The following NTAQ1 variants were observed in gnomAD, a reference collection of about 807,000 sequenced individuals.
NTAQ1 encodes protein N-terminal glutamine amidohydrolase.
Under a neutral mutation model 28.2 loss-of-function variants are expected in NTAQ1, and 21 were observed. The observed-to-expected ratio is 0.74, with a 90% CI of 0.53 to 1.07. NTAQ1 has a LOEUF of 1.07. Ranked by LOEUF, NTAQ1 falls within the 50% of genes least tolerant of loss-of-function variation. NTAQ1 has a pLI of 0.00. For missense variants in NTAQ1, 264 were observed against 256.6 expected (o/e 1.03, Z -0.20); for synonymous variants, 105 against 90.0 (o/e 1.17, Z -0.94).
chr8:123,438,104 G>T (rs1563893637), intron 5 of NTAQ1: 6 of 695,278 alleles, frequency 8.6e-6, no homozygotes, highest in African/African-American at 3.5e-5. Flanking sequence ...AGGTTTTATT[G>T]TACCACTTGT....
intron 4 of NTAQ1, 66 bp downstream of exon 4, chr8:123,436,667 CTT>C (rs10590897): frequency 0.38 from 517,512 of 1,349,032 alleles, 92,109 homozygotes; most frequent in East Asian, 0.59. Context: ...CACAGAGGTT[CTT>C]TTTTTTTTTG....
rs759314433 is a variant in NTAQ1, at chr8:123,437,283, A to G, written c.457A>G (p.Ser153Gly). 1 of 1,614,170 alleles carries G rather than the reference A, an allele frequency of 6.2e-7. No homozygotes were observed. The highest frequency in any genetic ancestry group is 8.5e-7 in the Non-Finnish European group (1 of 1,180,002). The change falls in exon 5 of 6, where the codon AGT becomes GGT. Residue 153 changes from serine (S) to glycine (G), a missense_variant. By Grantham distance (56) the Ser-to-Gly change is moderately conservative (BLOSUM62 0). Transcript: ENST00000287387. Reference sequence around the variant, plus strand: ...TGACCGATCTCACATGAAAGACTCCAGTGGGAATTGGAGAGAGCCTCCGCC... The same window carrying G: ...TGACCGATCTCACATGAAAGACTCCGGTGGGAATTGGAGAGAGCCTCCGCC... ...ASDRSHMKDS[S>G]GNWREPPPPY...
At chr8:123,449,929 A>ATGTATGTGTGTG (rs1554657624), downstream of NTAQ1, among the ~76,000 whole-genome samples, 251 of 66,648 alleles carry the variant, frequency 3.8e-3, 6 homozygotes, top group African/African-American at 0.013. Context: ...GTATATATAT[A>ATGTATGTGTGTG]TGTGTGTGTG....
At chr8:123,429,177 G>T (rs1028899397) in intron 2 of NTAQ1, among the ~76,000 whole-genome samples, 3 of 152,140 alleles carry the variant, frequency 2.0e-5, no homozygotes, top group Admixed American at 6.5e-5. Context: ...AAGACTTAGG[G>T]TGGCCCTATG....
At chr8:123,416,980 G>T in intron 1 of NTAQ1, 48 bp downstream of exon 1, 1 of 1,393,262 alleles carries the variant, frequency 7.2e-7, no homozygotes, top group Non-Finnish European at 9.4e-7. Flanking sequence ...CTCCCGGGCG[G>T]CGAGTCGCAA....
exon 7 of NTAQ1, among the ~76,000 whole-genome samples, chr8:123,468,233 T>C (rs1052388543): frequency 6.6e-6 from 1 of 152,206 alleles, no homozygotes; most frequent in African/African-American, 2.4e-5. Flanking sequence ...TATCTATTTA[T>C]GGTAAAAATA....
intron 3 of NTAQ1, among the ~76,000 whole-genome samples, chr8:123,432,579 G>C (rs1814460888): frequency 6.6e-6 from 1 of 151,618 alleles, no homozygotes; most frequent in Non-Finnish European, 1.5e-5. Flanking sequence ...AGGTCACAGT[G>C]AGCCGAGATC....
At chr8:123,416,747 A>C (rs945798323), upstream of NTAQ1, 19 of 1,031,398 alleles carry the variant, frequency 1.8e-5, no homozygotes, top group East Asian at 1.0e-4. Context: ...GGCTCCGCCC[A>C]CCCCACGCCG....
At chr8:123,429,048 G>A (rs76914040) in intron 2 of NTAQ1, among the ~76,000 whole-genome samples, 3,834 of 152,282 alleles carry the variant, frequency 0.025, 147 homozygotes, top group African/African-American at 0.085. Flanking sequence ...ATTAGAAAAA[G>A]TAAGCCCTTC....
chr8:123,457,759 C>T (rs564374428), intron 6 of NTAQ1, among the ~76,000 whole-genome samples: 4 of 152,076 alleles, frequency 2.6e-5, no homozygotes, highest in Admixed American at 6.5e-5. Context: ...ATTGACTGGG[C>T]GCAGTGGCTC....
At chr8:123,426,642 G>C (rs28485832) in intron 1 of NTAQ1, among the ~76,000 whole-genome samples, 45,348 of 151,870 alleles carry the variant, frequency 0.3, 7,319 homozygotes, top group South Asian at 0.45. Flanking sequence ...TTCAGCCTGG[G>C]CTATGGAGTG....
chr8:123,443,364 CT>C (rs1258799224), downstream of NTAQ1, among the ~76,000 whole-genome samples: 1 of 152,222 alleles, frequency 6.6e-6, no homozygotes, highest in Non-Finnish European at 1.5e-5. Context: ...GGCTGCCAGA[CT>C]GCCCGGAGCT....
chr8:123,421,050 G>A (rs1813654772), intron 1 of NTAQ1, among the ~76,000 whole-genome samples: 2 of 148,816 alleles, frequency 1.3e-5, no homozygotes, highest in South Asian at 2.1e-4. Flanking sequence ...CTCCCAAAGT[G>A]CTGGGATTAT....
chr8:123,417,992 C>T (rs1397173543), intron 1 of NTAQ1, among the ~76,000 whole-genome samples: 1 of 152,076 alleles, frequency 6.6e-6, no homozygotes, highest in Non-Finnish European at 1.5e-5. Context: ...CTTCTAAATC[C>T]CGTTAGTTCT....
At chr8:123,440,445 C>T (rs575938725) in intron 5 of NTAQ1, among the ~76,000 whole-genome samples, 1 of 151,448 alleles carries the variant, frequency 6.6e-6, no homozygotes, top group African/African-American at 2.4e-5. Flanking sequence ...CGTGAGCCAC[C>T]ACGCCTGGCT....
intron 5 of NTAQ1, chr8:123,438,023 A>T (rs543503096): frequency 1.7e-6 from 1 of 592,602 alleles, no homozygotes; most frequent in African/African-American, 1.9e-5. Context: ...TCCCCATTGC[A>T]TCCTTATGAT....
In NTAQ1 at chr8:123,438,158, T is replaced by A. The variant is rs559779859; in HGVS notation, c.508+824T>A. On this transcript the variant is annotated intron_variant, in intron 5 of 5. Coordinates refer to ENST00000287387, the MANE Select transcript of NTAQ1 (RefSeq NM_018024.3). ...GGCATCAATCCAGTTGATAATTTCC[T>A]GACATTTAAGAAGATAAAGGGTCCT... 1.1e-5 allele frequency: 8 copies of A among 702,172 alleles called. No homozygotes were observed. In the Admixed American group the frequency reaches 1.6e-4, roughly 14 times the overall value. The allele number at this position is 702,172 out of a possible 1,614,324, so 43.5% of individuals were successfully genotyped here.
chr8:123,459,778 G>A (rs1298333534), intron 6 of NTAQ1, among the ~76,000 whole-genome samples: 3 of 151,348 alleles, frequency 2.0e-5, no homozygotes, highest in Non-Finnish European at 2.9e-5. Context: ...GGAACTTGGG[G>A]TGGAGACCAA....
Position 123,441,758 on chromosome 8 carries a change from C to T in NTAQ1, c.*343C>T. ...TCTGTTTTGGATGTTTTGTGTCTCT[C>T]CAGCTACATTGTAAGTTCCTTGAGG... On this transcript the variant is annotated 3_prime_UTR_variant, in exon 6 of 6. Transcript: ENST00000287387. 2 of 237,152 alleles carry T rather than the reference C, an allele frequency of 8.4e-6. No individual in the cohort carries two copies. Among genetic ancestry groups the T allele is most frequent in the South Asian group, 1.7e-4 (2 of 11,564 alleles). The allele number at this position is 237,152 out of a possible 1,614,324, so 14.7% of individuals were successfully genotyped here. A position where few individuals can be genotyped will look rare whatever the true frequency, so the allele number is the denominator to read the frequency against.
Sources: gnomAD v4.1 joint callset for allele counts (sites outside exome capture counted in the v4.1 genomes callset) on GRCh38, gnomAD v4.1.1 for gene constraint, MANE v1.5 for transcripts, NCBI Gene and HGNC (gene_info 2026-07-23, HGNC 2026-07-21) for gene names.